RAB6A: variants seen among roughly 807,000 people sequenced by gnomAD.
The protein encoded by RAB6A is RAB6A, member RAS oncogene family.
In RAB6A, 8 loss-of-function variants were observed where a neutral mutation model predicts 32.3. The ratio of observed to expected loss-of-function variants is 0.25; its 90% CI spans 0.15 to 0.45. The LOEUF is 0.45. Ranked by LOEUF, RAB6A falls within the 20% of genes least tolerant of loss-of-function variation. The pLI is 1.00. For missense variants in RAB6A, 104 were observed against 249.4 expected (o/e 0.42, Z 3.93); for synonymous variants, 73 against 82.1 (o/e 0.89, Z 0.60).
At chr11:73,755,102 T>G (rs1946727024) in intron 1 of RAB6A, among the ~76,000 whole-genome samples, 1 of 150,988 alleles carries the variant, frequency 6.6e-6, no homozygotes, top group African/African-American at 2.4e-5. Flanking sequence ...CTAATTTCTT[T>G]GTATTTTTAG....
intron 1 of RAB6A, among the ~76,000 whole-genome samples, chr11:73,731,696 A>G (rs947691873): frequency 1.9e-3 from 13 of 6,702 alleles, no homozygotes; most frequent in African/African-American, 4.4e-3. Context: ...ATATATATAT[A>G]TATATATATA....
intron 1 of RAB6A, chr11:73,759,981 A>G (rs967854206): frequency 3.2e-6 from 4 of 1,244,034 alleles, no homozygotes; most frequent in Non-Finnish European, 4.2e-6. Context: ...TGTTTCCTCT[A>G]TGGCCCAGAC....
At chr11:73,727,233 G>A (rs946290238) in intron 2 of RAB6A, among the ~76,000 whole-genome samples, 9 of 151,800 alleles carry the variant, frequency 5.9e-5, no homozygotes, top group African/African-American at 2.2e-4. Context: ...CAAGACTTAG[G>A]CAAGATGGCA....
intron 5 of RAB6A, among the ~76,000 whole-genome samples, chr11:73,710,888 G>GT (rs1447024093): frequency 6.6e-6 from 1 of 152,002 alleles, no homozygotes; most frequent in Non-Finnish European, 1.5e-5. Context: ...GAATAGAGGT[G>GT]TAAGTCACCA....
At chr11:73,719,947 T>C (rs1230020063) in intron 3 of RAB6A, among the ~76,000 whole-genome samples, 1 of 151,022 alleles carries the variant, frequency 6.6e-6, no homozygotes, top group Non-Finnish European at 1.5e-5. Flanking sequence ...ACATGCTATA[T>C]ATCAAAACAT....
At chr11:73,757,830 G>C (rs534633811) in intron 1 of RAB6A, among the ~76,000 whole-genome samples, 6 of 152,260 alleles carry the variant, frequency 3.9e-5, no homozygotes, top group Admixed American at 6.5e-5. Context: ...GTTACTACTA[G>C]ATTCAGCCAT....
chr11:73,694,404 C>T (rs2134891495), intron 6 of RAB6A, among the ~76,000 whole-genome samples: 1 of 152,224 alleles, frequency 6.6e-6, no homozygotes, highest in Non-Finnish European at 1.5e-5. Context: ...TTCCAAAGCT[C>T]GTATTTTTTA....
intron 1 of RAB6A, among the ~76,000 whole-genome samples, chr11:73,741,702 A>G (rs1484610726): frequency 6.6e-6 from 1 of 152,232 alleles, no homozygotes; most frequent in Non-Finnish European, 1.5e-5. Context: ...CAAATCATAG[A>G]AAGACATGCC....
rs1036802828 is a variant in RAB6A at position 73,721,020 on chromosome 11, TCAATTAAGGA to T, written c.130-131_130-122del. 7.8e-6 allele frequency: 6 copies of T among 769,666 alleles called. No individual in the cohort carries two copies. In the African/African-American group the frequency reaches 1.1e-4, roughly 14 times the overall value. 47.7% of individuals were successfully genotyped at this position (769,666 alleles called of 1,614,324 possible). On this transcript the variant is annotated intron_variant, in intron 2 of 7. Transcript: ENST00000336083. Reference sequence around the variant, plus strand: ...GAATAAACAAATCAATACAACATAGTCAATTAAGGACAATTAAGGACAAACAAAATTTCCA... The same window carrying T: ...GAATAAACAAATCAATACAACATAGTCAATTAAGGACAAACAAAATTTCCA...
chr11:73,682,998 CAT>C (rs1393967422), intron 6 of RAB6A, among the ~76,000 whole-genome samples: 1 of 152,072 alleles, frequency 6.6e-6, no homozygotes, highest in Non-Finnish European at 1.5e-5. Flanking sequence ...TTCATCAAGA[CAT>C]AAAGAATACA....
chr11:73,745,363 T>C (rs1377094918), intron 1 of RAB6A, among the ~76,000 whole-genome samples: 1 of 152,248 alleles, frequency 6.6e-6, no homozygotes, highest in African/African-American at 2.4e-5. Context: ...GCAGTTAATG[T>C]GGTCCAGAGT....
chr11:73,731,676 G>A lies in RAB6A; in HGVS notation c.71-853C>T, dbSNP rs938158078. On this transcript the variant is annotated intron_variant, in intron 1 of 7. Transcript: ENST00000336083. ...TTCACTTTGTATTGTGAGATAGATAGATAGATATTATATATATATATATAT... is the reference window on the plus strand; with the variant it reads ...TTCACTTTGTATTGTGAGATAGATAAATAGATATTATATATATATATATAT... 5.6e-5 allele frequency among the ~76,000 whole-genome samples: 7 copies of A among 125,936 alleles called. No individual in the cohort carries two copies. In the South Asian group the frequency reaches 1.2e-3, roughly 22 times the overall value. The allele number at this position is 125,936 out of a possible 152,430, so 82.6% of individuals were successfully genotyped here.
At position 73,692,788 on chromosome 11, in the gene RAB6A, CAAAAAAAAAA is replaced by C. The variant is rs140762210; in HGVS notation, c.496-13078_496-13069del. ...TGAAACCCTGTCTCTACTAAAAATACAAAAAAAAAAAAAAAAAAAAAAATTAGCCGGGCGT... is the reference window on the plus strand; with the variant it reads ...TGAAACCCTGTCTCTACTAAAAATACAAAAAAAAAAAAATTAGCCGGGCGT... On this transcript the variant is annotated intron_variant, in intron 6 of 7. Transcript: ENST00000336083. Among the ~76,000 whole-genome samples, 967 of 98,198 alleles carry C rather than the reference CAAAAAAAAAA, an allele frequency of 9.8e-3. 19 individuals carry two copies. Among genetic ancestry groups the C allele is most frequent in the African/African-American group, 0.036 (915 of 25,268 alleles). 64.4% of individuals were successfully genotyped at this position (98,198 alleles called of 152,430 possible).
chr11:73,698,879 T>C (rs973370312), intron 6 of RAB6A, among the ~76,000 whole-genome samples: 2 of 128,152 alleles, frequency 1.6e-5, no homozygotes, highest in Admixed American at 9.8e-5. Context: ...TGAGATGGAG[T>C]CTTGCTCTGT....
At chr11:73,679,561 A>C (rs1354102541) in intron 7 of RAB6A, 93 bp downstream of exon 7, 2 of 1,489,172 alleles carry the variant, frequency 1.3e-6, no homozygotes, top group Non-Finnish European at 1.9e-6. Flanking sequence ...CCTGGTTGTA[A>C]AAGGCAATGG....
At chr11:73,688,846 C>T (rs1191266403) in intron 6 of RAB6A, among the ~76,000 whole-genome samples, 1 of 152,156 alleles carries the variant, frequency 6.6e-6, no homozygotes, top group African/African-American at 2.4e-5. Context: ...ATAAGAAACA[C>T]TTGCCACCAG....
At chr11:73,741,530 G>GA (rs966737847) in intron 1 of RAB6A, among the ~76,000 whole-genome samples, 41 of 141,560 alleles carry the variant, frequency 2.9e-4, no homozygotes, top group East Asian at 1.4e-3. Context: ...ATCTGCACAA[G>GA]AAAAAAAAAA....
At chr11:73,725,923 C>G (rs1325456743) in intron 2 of RAB6A, among the ~76,000 whole-genome samples, 1 of 152,066 alleles carries the variant, frequency 6.6e-6, no homozygotes, top group African/African-American at 2.4e-5. Flanking sequence ...GAGGCCGAGG[C>G]AGCCGGATTG....
intron 6 of RAB6A, among the ~76,000 whole-genome samples, chr11:73,683,799 T>C (rs1005455681): frequency 1.1e-4 from 17 of 152,072 alleles, no homozygotes; most frequent in African/African-American, 3.9e-4. Flanking sequence ...GTGATCCACC[T>C]GCCTCAGCCT....
Sources: gnomAD v4.1 joint callset for allele counts (sites outside exome capture counted in the v4.1 genomes callset) on GRCh38, gnomAD v4.1.1 for gene constraint, MANE v1.5 for transcripts, NCBI Gene and HGNC (gene_info 2026-07-23, HGNC 2026-07-21) for gene names.